Variants in EPHA4 observed in about 807,000 individuals in gnomAD.
The protein encoded by EPHA4 is EPH receptor A4, also known as ephrin type-A receptor 4.
Under a neutral mutation model 108.3 loss-of-function variants are expected in EPHA4, and 19 were observed. The observed-to-expected ratio is 0.18, with a 90% CI of 0.12 to 0.26. The LOEUF is 0.26. Ranked by LOEUF, EPHA4 falls within the 10% of genes least tolerant of loss-of-function variation. The probability of loss-of-function intolerance (pLI) is 1.00; values close to 1 mark genes in which losing one functional copy is unlikely to be tolerated. For missense variants in EPHA4, 917 were observed against 1,254.0 expected, an observed-to-expected ratio of 0.73 and a Z score of 4.06; for synonymous variants, 449 against 455.5, an observed-to-expected ratio of 0.99 and a Z score of 0.18.
Position 221,429,976 on chromosome 2 carries a change from GTCC to G in EPHA4, c.2669_2671del (p.Arg890del), listed in dbSNP as rs1690023115. ...GGCTGACCTGGAGCTCTCCGTCCCTGTCCTCTTCAAGCTGTTGGGGTTGCGGAT... is the reference window on the plus strand; with the variant it reads ...GGCTGACCTGGAGCTCTCCGTCCCTGTCTTCAAGCTGTTGGGGTTGCGGAT... On this transcript the variant is annotated inframe_deletion, in exon 15 of 18. Transcript: ENST00000281821. The G allele has an allele frequency of 1.2e-6, 2 of 1,613,946 alleles. No homozygotes were observed. The highest frequency in any genetic ancestry group is 1.7e-6 in the Non-Finnish European group (2 of 1,180,000).
chr2:221,558,767 A>G (rs1028220445), intron 3 of EPHA4, among the ~76,000 whole-genome samples: 1 of 152,202 alleles, frequency 6.6e-6, no homozygotes, highest in Admixed American at 6.5e-5. Flanking sequence ...AAAAAAAAGT[A>G]TATCAGAAAA....
chr2:221,424,121 A>G (rs1689829027), intron 17 of EPHA4, among the ~76,000 whole-genome samples: 1 of 126,270 alleles, frequency 7.9e-6, no homozygotes, highest in African/African-American at 2.9e-5. Context: ...CTCAAATAGT[A>G]ATAATAATAA....
At chr2:221,512,432 C>T (rs1256997860) in intron 3 of EPHA4, among the ~76,000 whole-genome samples, 1 of 152,176 alleles carries the variant, frequency 6.6e-6, no homozygotes, top group Admixed American at 6.5e-5. Context: ...GCTAGCACAT[C>T]GCAGCCATGA....
intron 17 of EPHA4, among the ~76,000 whole-genome samples, chr2:221,422,354 G>A (rs543154759): frequency 3.1e-4 from 47 of 152,242 alleles, no homozygotes; most frequent in African/African-American, 1.1e-3. Context: ...CACGTCCTGC[G>A]GACACACAAG....
chr2:221,572,266 G>C lies in EPHA4; in HGVS notation c.-18C>G, dbSNP rs1167423451. On this transcript the variant is annotated 5_prime_UTR_variant, in exon 1 of 18. Transcript: ENST00000281821. ...CCAGCCATGGTTCGCCGGTGCCAAC[G>C]CTGCTCCTGCCGCTTCTATCCCAGT... 1 of 1,598,440 alleles carries C rather than the reference G, an allele frequency of 6.3e-7. No individual in the cohort carries two copies. The highest frequency in any genetic ancestry group is 8.6e-7 in the Non-Finnish European group (1 of 1,165,764).
intron 2 of EPHA4, among the ~76,000 whole-genome samples, chr2:221,566,972 A>G (rs867309534): frequency 8.2e-6 from 1 of 121,700 alleles, no homozygotes; most frequent in Admixed American, 8.1e-5. Flanking sequence ...AGGAAGAGGA[A>G]GAAGAAGAAG....
chr2:221,540,045 G>A (rs542941137), intron 3 of EPHA4, among the ~76,000 whole-genome samples: 9 of 152,194 alleles, frequency 5.9e-5, no homozygotes, highest in Admixed American at 1.3e-4. Context: ...ACAGACTCCT[G>A]AGTAGCTGGA....
upstream of EPHA4, chr2:221,574,025 T>C (rs549675068): frequency 3.9e-5 from 6 of 152,314 alleles, no homozygotes; most frequent in South Asian, 2.1e-4. Context: ...GGGAGGGTTA[T>C]AGGGCGACGT....
intron 4 of EPHA4, among the ~76,000 whole-genome samples, chr2:221,496,381 C>A (rs1189737745): frequency 6.6e-6 from 1 of 152,050 alleles, no homozygotes. Flanking sequence ...GGTTAAATAG[C>A]CACGTGTCAA....
At chr2:221,556,965 G>T (rs574197034) in intron 3 of EPHA4, among the ~76,000 whole-genome samples, 4 of 152,044 alleles carry the variant, frequency 2.6e-5, no homozygotes, top group Non-Finnish European at 5.9e-5. Flanking sequence ...GGAACATATC[G>T]TCCAAAGTTA....
At chr2:221,518,811 G>A (rs1693067879) in intron 3 of EPHA4, among the ~76,000 whole-genome samples, 1 of 152,198 alleles carries the variant, frequency 6.6e-6, no homozygotes, top group Admixed American at 6.5e-5. Flanking sequence ...GGGTAAGCAA[G>A]CAGGTCTGCT....
intron 17 of EPHA4, among the ~76,000 whole-genome samples, chr2:221,424,134 ATAATAAT>A (rs1424987202): frequency 1.6e-5 from 2 of 125,466 alleles, no homozygotes; most frequent in Non-Finnish European, 3.5e-5. Flanking sequence ...AATAATAATA[ATAATAAT>A]TTTTTTTTTT....
chr2:221,513,039 C>G (rs1157796773), intron 3 of EPHA4, among the ~76,000 whole-genome samples: 1 of 152,080 alleles, frequency 6.6e-6, no homozygotes, highest in Non-Finnish European at 1.5e-5. Context: ...AAAAGGTGCC[C>G]CCTGAGTATC....
chr2:221,438,865 G>T (rs1321476369), intron 11 of EPHA4, among the ~76,000 whole-genome samples: 2 of 152,136 alleles, frequency 1.3e-5, no homozygotes, highest in African/African-American at 4.8e-5. Context: ...AAAATGGGCT[G>T]AACTATTTCA....
rs1002185438 is a variant in EPHA4, at chr2:221,475,319, T to C, written c.1318+7033A>G. ...AAATCTGAGTGCCAATGGGAAAAAATTTGTGGTTCAAGAAAGCAAAGTTAT... is the reference window on the plus strand; with the variant it reads ...AAATCTGAGTGCCAATGGGAAAAAACTTGTGGTTCAAGAAAGCAAAGTTAT... On this transcript the variant is annotated intron_variant, in intron 5 of 17. Coordinates refer to ENST00000281821, the MANE Select transcript of EPHA4 (RefSeq NM_004438.5). 2.0e-4 allele frequency among the ~76,000 whole-genome samples: 31 copies of C among 152,164 alleles called. 1 individual carries two copies. Among genetic ancestry groups the C allele is most frequent in the Admixed American group, 1.7e-3 (26 of 15,264 alleles).
intron 3 of EPHA4, among the ~76,000 whole-genome samples, chr2:221,537,028 G>A (rs564224264): frequency 1.3e-5 from 2 of 152,222 alleles, no homozygotes; most frequent in Non-Finnish European, 1.5e-5. Flanking sequence ...AAAACAAAGA[G>A]AGAGAGAGAA....
rs192454911 is a variant in EPHA4 at position 221,494,412 on chromosome 2, T to C, written c.979+6605A>G. 7.0e-3 allele frequency among the ~76,000 whole-genome samples: 1,066 copies of C among 152,322 alleles called. 8 individuals carry two copies. The highest frequency in any genetic ancestry group is 0.017 in the Middle Eastern group (5 of 294). On this transcript the variant is annotated intron_variant, in intron 4 of 17. Transcript: ENST00000281821. ...TGAGGTCAGGAGTTCGAGACCAGCC[T>C]GGTCAACATAGCGAAACCCAGGCTC...
intron 3 of EPHA4, among the ~76,000 whole-genome samples, chr2:221,552,210 C>T (rs1328183898): frequency 6.6e-6 from 1 of 152,204 alleles, no homozygotes; most frequent in African/African-American, 2.4e-5. Flanking sequence ...TCTCTAAGCA[C>T]AGGCTAAATA....
chr2:221,483,214 A>G (rs999465885), intron 4 of EPHA4, among the ~76,000 whole-genome samples: 1 of 152,180 alleles, frequency 6.6e-6, no homozygotes, highest in Admixed American at 6.5e-5. Context: ...TAAGCTGTTT[A>G]TGGGTAATTA....
Sources: gnomAD v4.1 joint callset for allele counts (sites outside exome capture counted in the v4.1 genomes callset) on GRCh38, gnomAD v4.1.1 for gene constraint, MANE v1.5 for transcripts, NCBI Gene and HGNC (gene_info 2026-07-23, HGNC 2026-07-21) for gene names.